MAPKAPK2: variants seen among roughly 807,000 people sequenced by gnomAD.
MAPKAPK2 encodes MAP kinase-activated protein kinase 2.
Under a neutral mutation model 48.8 loss-of-function variants are expected in MAPKAPK2, and 9 were observed. The ratio of observed to expected loss-of-function variants is 0.18; its 90% CI spans 0.11 to 0.32. MAPKAPK2 has a LOEUF of 0.32. Ranked by LOEUF, MAPKAPK2 falls within the 10% of genes least tolerant of loss-of-function variation. The pLI is 1.00. For synonymous variants in MAPKAPK2, 202 were observed against 190.6 expected, an observed-to-expected ratio of 1.06 and a Z score of -0.49; for missense variants, 331 against 498.3, an observed-to-expected ratio of 0.66 and a Z score of 3.20.
At position 206,684,959 on chromosome 1, in the gene MAPKAPK2, C is replaced by G. The variant is rs1248693847; in HGVS notation, c.-271C>G. The G allele has an allele frequency of 3.9e-5, 6 of 153,378 alleles. No homozygotes were observed. In the South Asian group the frequency reaches 1.2e-3, roughly 32 times the overall value. 9.5% of individuals were successfully genotyped at this position (153,378 alleles called of 1,614,324 possible). Reference sequence around the variant, plus strand: ...ACATTGTCGCGCGGCCGCTTCCCCCCGGCCGGGCCCCCGCCGCCCCGCGGT... The same window carrying G: ...ACATTGTCGCGCGGCCGCTTCCCCCGGGCCGGGCCCCCGCCGCCCCGCGGT... On this transcript the variant is annotated 5_prime_UTR_variant, in exon 1 of 10. Coordinates refer to ENST00000367103, the MANE Select transcript of MAPKAPK2 (RefSeq NM_032960.4).
At chr1:206,701,830 CTAAAAA>C (rs1238581536) in intron 1 of MAPKAPK2, among the ~76,000 whole-genome samples, 3 of 80,212 alleles carry the variant, frequency 3.7e-5, no homozygotes, top group South Asian at 4.2e-4. Flanking sequence ...GACCCTGTCT[CTAAAAA>C]AAAAAAAAAA....
intron 1 of MAPKAPK2, among the ~76,000 whole-genome samples, chr1:206,717,314 A>T (rs1673366190): frequency 6.6e-6 from 1 of 152,302 alleles, no homozygotes. Context: ...TAAATATAGC[A>T]ATATTTGCTA....
At chr1:206,700,109 G>A (rs566851410) in intron 1 of MAPKAPK2, among the ~76,000 whole-genome samples, 7 of 149,474 alleles carry the variant, frequency 4.7e-5, no homozygotes, top group East Asian at 2.0e-4. Context: ...TGCCCCTCCC[G>A]CTGCAATGCT....
intron 1 of MAPKAPK2, among the ~76,000 whole-genome samples, chr1:206,707,335 CA>C (rs1553428737): frequency 6.6e-6 from 1 of 152,016 alleles, no homozygotes; most frequent in Non-Finnish European, 1.5e-5. Flanking sequence ...GAAGTTCTGC[CA>C]GAGGTTGTTT....
intron 4 of MAPKAPK2, 85 bp downstream of exon 4, chr1:206,729,560 AC>A: frequency 8.6e-7 from 1 of 1,161,100 alleles, no homozygotes; most frequent in Non-Finnish European, 1.3e-6. Context: ...TTGCCAGGCC[AC>A]CCTGCGTCCT....
chr1:206,701,123 G>A (rs1377411436), intron 1 of MAPKAPK2, among the ~76,000 whole-genome samples: 1 of 152,204 alleles, frequency 6.6e-6, no homozygotes, highest in African/African-American at 2.4e-5. Context: ...TGAGCCCAGA[G>A]GAGTGGTGGA....
rs2102389283 is a variant in MAPKAPK2 at position 206,704,179 on chromosome 1, A to G, written c.279+18671A>G. ...GGGGAGGGGTCCTACTTTCAGATCCAAAAGAAAATCTGAGATATGTCATTT... is the reference window on the plus strand; with the variant it reads ...GGGGAGGGGTCCTACTTTCAGATCCGAAAGAAAATCTGAGATATGTCATTT... On this transcript the variant is annotated intron_variant, in intron 1 of 9. Transcript: ENST00000367103. The surrounding 1 kb of genome is among the most constrained non-coding windows in gnomAD (Gnocchi z 4.3). Among the ~76,000 whole-genome samples, 1 of 152,374 alleles carries G rather than the reference A, an allele frequency of 6.6e-6. No individual in the cohort carries two copies. The highest frequency in any genetic ancestry group is 1.9e-4 in the East Asian group (1 of 5,188).
chr1:206,693,228 G>A (rs1253235592), intron 1 of MAPKAPK2, among the ~76,000 whole-genome samples: 2 of 152,058 alleles, frequency 1.3e-5, no homozygotes, highest in Non-Finnish European at 2.9e-5. Flanking sequence ...CCCCTCTGCC[G>A]AACAGCTAAA....
chr1:206,702,195 C>T (rs942342979), intron 1 of MAPKAPK2, among the ~76,000 whole-genome samples: 85 of 152,290 alleles, frequency 5.6e-4, no homozygotes, highest in African/African-American at 1.9e-3. Context: ...CTATGTTTTT[C>T]GAATCTTGAG....
chr1:206,709,237 C>G (rs1223449979), intron 1 of MAPKAPK2, among the ~76,000 whole-genome samples: 3 of 152,186 alleles, frequency 2.0e-5, no homozygotes, highest in Non-Finnish European at 4.4e-5. Flanking sequence ...CTCAGTTGCT[C>G]CTTCAGGGTT....
Position 206,731,310 on chromosome 1 carries a change from G to T in MAPKAPK2, c.892+48G>T. The T allele has an allele frequency of 6.2e-7, 1 of 1,611,676 alleles. No individual in the cohort carries two copies. Among genetic ancestry groups the T allele is most frequent in the South Asian group, 1.1e-5 (1 of 90,834 alleles). On this transcript the variant is annotated intron_variant, in intron 7 of 9. Coordinates refer to ENST00000367103, the MANE Select transcript of MAPKAPK2 (RefSeq NM_032960.4). This position sits in a 1 kb window ranked among gnomAD's most constrained non-coding sequence, Gnocchi z 5.9. ...CAAGGGGAAGAGCCCGTGTGTGTGTGTGTGTGTGTATGTGTGTACACGCAG... is the reference window on the plus strand; with the variant it reads ...CAAGGGGAAGAGCCCGTGTGTGTGTTTGTGTGTGTATGTGTGTACACGCAG...
chr1:206,692,692 TCTC>T (rs782105357), intron 1 of MAPKAPK2, among the ~76,000 whole-genome samples: 2 of 152,254 alleles, frequency 1.3e-5, no homozygotes, highest in East Asian at 3.9e-4. Context: ...TATCTGGTGT[TCTC>T]CTCCAAGACC....
At chr1:206,713,607 C>T (rs781942075) in intron 1 of MAPKAPK2, among the ~76,000 whole-genome samples, 7 of 152,152 alleles carry the variant, frequency 4.6e-5, no homozygotes, top group Non-Finnish European at 7.3e-5. Context: ...TGGCTCATGC[C>T]TGTAATCCTA....
At chr1:206,711,874 CG>C (rs782669176) in intron 1 of MAPKAPK2, among the ~76,000 whole-genome samples, 19 of 152,240 alleles carry the variant, frequency 1.2e-4, no homozygotes, top group Non-Finnish European at 2.2e-4. Context: ...CCATCTGCCT[CG>C]GCCTCTCAAA....
At position 206,732,701 on chromosome 1, in the gene MAPKAPK2, G is replaced by A; in HGVS notation, c.1186G>A (p.Ala396Thr). ...RRKKARALEA[A>T]ALAH is the part of the protein sequence containing the mutation. ...GAAGAAAGCTCGGGCCCTGGAGGCT[G>A]CGGCTCTGGCCCACTGAGCCACCGC... The change falls in exon 10 of 10, where the codon GCG becomes ACG. Residue 396 changes from alanine to threonine, a missense_variant. By Grantham distance (58) the Ala-to-Thr change is moderately conservative. Around this residue, in one of 4 missense-constraint regions of MAPKAPK2, gnomAD observed 124 missense variants for 194.6 expected, o/e 0.64. Coordinates refer to ENST00000367103, the MANE Select transcript of MAPKAPK2 (RefSeq NM_032960.4). This position sits in a 1 kb window ranked among gnomAD's most constrained non-coding sequence, Gnocchi z 4.4. The A allele has an allele frequency of 6.2e-7, 1 of 1,614,198 alleles. No individual in the cohort carries two copies.
At chr1:206,727,020 T>C (rs1346601747) in intron 1 of MAPKAPK2, among the ~76,000 whole-genome samples, 1 of 152,106 alleles carries the variant, frequency 6.6e-6, no homozygotes, top group Non-Finnish European at 1.5e-5. Flanking sequence ...TCTGCCTTCA[T>C]GCCTTCCCTC....
At chr1:206,696,268 A>G in intron 1 of MAPKAPK2, 1 of 1,250,648 alleles carries the variant, frequency 8.0e-7, no homozygotes, top group Non-Finnish European at 1.2e-6. Context: ...TCAAGGTGCC[A>G]TTTCTGCATG....
In MAPKAPK2 at chr1:206,731,902, C is replaced by G; in HGVS notation, c.1042C>G (p.Arg348Gly). Residue 348 changes from arginine (R) to glycine (G), a missense_variant, in exon 9 of 10, where the codon CGG (arginine) becomes GGG (glycine). Arg to Gly is a moderately radical substitution (Grantham distance 125, BLOSUM62 -2). This residue lies in a region of MAPKAPK2 where 124 missense variants were observed against 194.6 expected (regional missense o/e 0.64). Coordinates refer to ENST00000367103, the MANE Select transcript of MAPKAPK2 (RefSeq NM_032960.4). The surrounding 1 kb of genome is among the most constrained non-coding windows in gnomAD (Gnocchi z 5.9). ...CCGGGTCCTGAAGGAGGACAAGGAG[C>G]GGTGGGAGGATGTCAAGGTGAGGGG... ...TSRVLKEDKE[R>G]WEDVKEEMTS... 1 of 1,614,046 alleles carries G rather than the reference C, an allele frequency of 6.2e-7. No homozygotes were observed. The highest frequency in any genetic ancestry group is 1.1e-5 in the South Asian group (1 of 91,076).
At chr1:206,685,647 C>G (rs1418941652) in intron 1 of MAPKAPK2, 139 bp downstream of exon 1, 11 of 593,254 alleles carry the variant, frequency 1.9e-5, no homozygotes, top group Non-Finnish European at 2.3e-5. Context: ...GCGGCCGGGC[C>G]GGCGGTGCCG....
Sources: allele counts gnomAD v4.1 joint callset (sites outside exome capture counted in the v4.1 genomes callset), GRCh38; gene constraint gnomAD v4.1.1; regional missense constraint gnomAD v4.1.1; non-coding constraint Gnocchi (gnomAD v3.1); transcripts MANE v1.5; gene names NCBI Gene and HGNC (gene_info 2026-07-23, HGNC 2026-07-21).